Variants in CABLES1 observed in about 807,000 individuals in gnomAD.
CABLES1 encodes the protein Cdk5 and Abl enzyme substrate 1.
Under a neutral mutation model 57.8 loss-of-function variants are expected in CABLES1, and 36 were observed. The ratio of observed to expected loss-of-function variants is 0.62; its 90% CI spans 0.48 to 0.82. The LOEUF is 0.82. Among genes scored for constraint, CABLES1 ranks in the 40% least tolerant of loss-of-function variants. The probability of loss-of-function intolerance (pLI) is 0.00; values close to 1 mark genes in which losing one functional copy is unlikely to be tolerated. For missense variants in CABLES1, 767 were observed against 836.6 expected (o/e 0.92, Z 1.03); for synonymous variants, 374 against 363.0 (o/e 1.03, Z -0.35).
chr18:23,160,271 T>C (rs552342298), intron 1 of CABLES1, among the ~76,000 whole-genome samples: 1 of 152,186 alleles, frequency 6.6e-6, no homozygotes, highest in East Asian at 1.9e-4. Context: ...ACTCCTGATC[T>C]GCCCACCTCA....
chr18:23,152,955 C>G (rs1020428763), intron 1 of CABLES1, among the ~76,000 whole-genome samples: 14 of 151,252 alleles, frequency 9.3e-5, no homozygotes, highest in African/African-American at 2.9e-4. Context: ...GCGCCCACCA[C>G]CACGCCCTGC....
In CABLES1 at chr18:23,257,308, C is replaced by G. The variant is rs2048192167; in HGVS notation, c.1843C>G (p.Leu615Val). Residue 615 changes from leucine (L) to valine (V), a missense_variant, in exon 10 of 10, where the codon CTC becomes GTC. Coordinates refer to ENST00000256925, the MANE Select transcript of CABLES1 (RefSeq NM_001100619.3). ...GGTGTTAGTGGCCTTGGAATTCGCC[C>G]TCCACTTGCCCGAGCACGAAGTCAT... The part of the protein sequence containing the change: ...FPVLVALEFA[L>V]HLPEHEVMPH... 1 of 1,613,888 alleles carries G rather than the reference C, an allele frequency of 6.2e-7. No individual in the cohort carries two copies. The highest frequency in any genetic ancestry group is 8.5e-7 in the Non-Finnish European group (1 of 1,179,986).
rs1328260172 is a variant in CABLES1, at chr18:23,136,575, C to T, written c.813C>T (p.Ser271=). 1 of 1,507,544 alleles carries T rather than the reference C, an allele frequency of 6.6e-7. No individual in the cohort carries two copies. The allele number at this position is 1,507,544 out of a possible 1,614,324, so 93.4% of individuals were successfully genotyped here. ...TGGAGCAGCCAGGCCAGGGCGGCAG[C>T]ACCAGCGCCTTCGAGCAGCTGCAGA... ...CSLEQPGQGG[S]TSAFEQLQRS... is the part of the protein sequence containing the mutation. Residue 271 remains serine (S), a synonymous_variant, in exon 1 of 10, where the codon AGC becomes AGT. Coordinates refer to ENST00000256925, the MANE Select transcript of CABLES1 (RefSeq NM_001100619.3).
At chr18:23,246,624 C>A (rs2047898078) in intron 7 of CABLES1, among the ~76,000 whole-genome samples, 1 of 151,684 alleles carries the variant, frequency 6.6e-6, no homozygotes, top group Non-Finnish European at 1.5e-5. Flanking sequence ...ATCTCCTGAC[C>A]TTGTGATCCG....
At chr18:23,228,925 C>T (rs940703759) in intron 4 of CABLES1, among the ~76,000 whole-genome samples, 2 of 152,066 alleles carry the variant, frequency 1.3e-5, no homozygotes, top group East Asian at 1.9e-4. Context: ...AACCTTGCAT[C>T]GTCCACAGTT....
In CABLES1 at chr18:23,237,195, C is replaced by T. The variant is rs1464182376; in HGVS notation, c.1396C>T (p.Gln466Ter). The change falls in exon 7 of 10, where the codon CAG (glutamine) becomes TAG (stop). Residue 466 changes from glutamine (Q) to a stop codon, truncating the protein, a stop_gained. Coordinates refer to ENST00000256925, the MANE Select transcript of CABLES1 (RefSeq NM_001100619.3). LOFTEE classifies it high-confidence loss of function. ...DYDPNLLDDP[Q>*]WPCGKHKRVL... ...TGACCCAAATCTCTTGGATGACCCC[C>T]AGTGGCCTTGTGGCAAACACAAACG... 2 of 1,613,906 alleles carry T rather than the reference C, an allele frequency of 1.2e-6. No individual in the cohort carries two copies. The highest frequency in any genetic ancestry group is 1.7e-6 in the Non-Finnish European group (2 of 1,179,846).
chr18:23,157,298 G>A (rs1189177812), intron 1 of CABLES1, among the ~76,000 whole-genome samples: 2 of 152,094 alleles, frequency 1.3e-5, no homozygotes, highest in African/African-American at 4.8e-5. Context: ...TAGAACCTGG[G>A]GATAATGAGG....
chr18:23,149,250 A>C (rs139931016), intron 1 of CABLES1, among the ~76,000 whole-genome samples: 1 of 151,318 alleles, frequency 6.6e-6, no homozygotes, highest in Non-Finnish European at 1.5e-5. Flanking sequence ...AGATAAATCA[A>C]CCTGTACTCA....
At chr18:23,162,737 G>A (rs1234358295) in intron 1 of CABLES1, among the ~76,000 whole-genome samples, 2 of 152,172 alleles carry the variant, frequency 1.3e-5, no homozygotes, top group Non-Finnish European at 2.9e-5. Context: ...GAAGTGGGTA[G>A]GAAGGAGTTC....
At chr18:23,185,727 C>G (rs2047198043) in intron 1 of CABLES1, among the ~76,000 whole-genome samples, 1 of 152,190 alleles carries the variant, frequency 6.6e-6, no homozygotes, top group Non-Finnish European at 1.5e-5. Flanking sequence ...TGAAAATGCT[C>G]TTCTACAAAG....
chr18:23,145,043 C>G (rs1388717398), intron 1 of CABLES1, among the ~76,000 whole-genome samples: 3 of 151,750 alleles, frequency 2.0e-5, no homozygotes, highest in Admixed American at 2.0e-4. Context: ...TCAAGCAATT[C>G]TCCTGCCTCA....
chr18:23,192,386 G>A (rs2047250593), intron 2 of CABLES1, among the ~76,000 whole-genome samples: 1 of 152,216 alleles, frequency 6.6e-6, no homozygotes, highest in South Asian at 2.1e-4. Flanking sequence ...TGGCCCTTTT[G>A]TGGCTTTCCA....
In CABLES1 at chr18:23,188,787, T is replaced by A. The variant is rs773620624; in HGVS notation, c.846-51T>A. 5 of 1,233,004 alleles carry A rather than the reference T, an allele frequency of 4.1e-6. No homozygotes were observed. In the Admixed American group the frequency reaches 5.0e-5, roughly 12 times the overall value. The allele number at this position is 1,233,004 out of a possible 1,614,324, so 76.4% of individuals were successfully genotyped here. A position where few individuals can be genotyped will look rare whatever the true frequency, so the allele number is the denominator to read the frequency against. ...GTTTTAGATTTGCACAAATGTCTGATCAGTTCTGCAATGCAGTTTTAACTC... is the reference window on the plus strand; with the variant it reads ...GTTTTAGATTTGCACAAATGTCTGAACAGTTCTGCAATGCAGTTTTAACTC... On this transcript the variant is annotated intron_variant, in intron 1 of 9. Transcript: ENST00000256925.
At chr18:23,208,897 C>G (rs1446434057) in intron 3 of CABLES1, among the ~76,000 whole-genome samples, 25 of 152,222 alleles carry the variant, frequency 1.6e-4, no homozygotes, top group Non-Finnish European at 2.9e-5. Context: ...ATCTCTGTCT[C>G]CACTGTTAAT....
intron 8 of CABLES1, 108 bp downstream of exon 8, chr18:23,253,174 G>C: frequency 3.0e-6 from 2 of 675,752 alleles, no homozygotes; most frequent in Non-Finnish European, 5.4e-6. Context: ...CAGTGATTGA[G>C]TCATTGTCAC....
chr18:23,149,858 C>T (rs960730398), intron 1 of CABLES1: 3 of 152,242 alleles, frequency 2.0e-5, no homozygotes, highest in African/African-American at 7.2e-5. Flanking sequence ...TTGTGTACCT[C>T]CAGCTTTACT....
chr18:23,190,321 C>T (rs1474185311), intron 2 of CABLES1: 4 of 152,278 alleles, frequency 2.6e-5, no homozygotes, highest in East Asian at 1.9e-4. Context: ...CCATGAATAA[C>T]GTTGAGAAGC....
chr18:23,190,441 CT>C (rs1351368591), intron 2 of CABLES1: 1 of 152,240 alleles, frequency 6.6e-6, no homozygotes, highest in African/African-American at 2.4e-5. Context: ...GGGCTCTCCC[CT>C]CTTCAGGAAT....
chr18:23,165,530 G>GC (rs1054767336), intron 1 of CABLES1, among the ~76,000 whole-genome samples: 13 of 150,632 alleles, frequency 8.6e-5, no homozygotes, highest in Admixed American at 4.0e-4. Context: ...TGTTCCTCCT[G>GC]CCCCCCCAGT....
Sources: allele counts gnomAD v4.1 joint callset (sites outside exome capture counted in the v4.1 genomes callset), GRCh38; gene constraint gnomAD v4.1.1; transcripts MANE v1.5; gene names NCBI Gene and HGNC (gene_info 2026-07-23, HGNC 2026-07-21).